Variants in BACH1 observed in about 807,000 individuals in gnomAD.
BACH1 encodes the protein transcription regulator protein BACH1.
BACH1 carries 35 observed loss-of-function variants against 52.9 expected under a neutral mutation model. The ratio of observed to expected loss-of-function variants is 0.66; its 90% confidence interval spans 0.51 to 0.88. The LOEUF is 0.88. BACH1 is among the 40% of genes least tolerant of loss of function. The probability of loss-of-function intolerance (pLI) is 0.00; values close to 1 mark genes in which losing one functional copy is unlikely to be tolerated. For missense variants in BACH1, 808 were observed against 872.6 expected, an observed-to-expected ratio of 0.93 and a Z score of 0.93; for synonymous variants, 321 against 319.6, an observed-to-expected ratio of 1.00 and a Z score of -0.05.
intron 1 of BACH1, among the ~76,000 whole-genome samples, chr21:29,319,428 G>C (rs2088823858): frequency 6.6e-6 from 1 of 151,784 alleles, no homozygotes; most frequent in Non-Finnish European, 1.5e-5. Flanking sequence ...TTTTTTCTGA[G>C]GTTGGGTCCC....
intron 1 of BACH1, among the ~76,000 whole-genome samples, chr21:29,320,413 G>C (rs575583902): frequency 1.3e-5 from 2 of 152,174 alleles, no homozygotes; most frequent in South Asian, 4.2e-4. Flanking sequence ...CGTATTGGGG[G>C]TATTCTTGTT....
downstream of BACH1, among the ~76,000 whole-genome samples, chr21:29,347,891 A>C (rs1471262803): frequency 6.6e-6 from 1 of 152,246 alleles, no homozygotes; most frequent in African/African-American, 2.4e-5. Context: ...TTCCCATAAG[A>C]AAATGCATGA....
Position 29,357,554 on chromosome 21 carries a change from A to G in BACH1, c.472+27861A>G, listed in dbSNP as rs371320091. Among the ~76,000 whole-genome samples, 319 of 152,208 alleles carry G rather than the reference A, an allele frequency of 2.1e-3. 2 individuals are homozygous for G. The highest frequency in any genetic ancestry group is 7.2e-3 in the African/African-American group (297 of 41,518). ...TGGCACCTAGTATGCCATTTACATC[A>G]TGAGTAGTCCAGACAGTGAGATCCT... On this transcript the variant is annotated intron_variant, in intron 2 of 4. Coordinates refer to the BACH1 transcript ENST00000422809.
chr21:29,342,280 A>G, intron 4 of BACH1, 119 bp from the exon 5 acceptor site: 1 of 1,020,746 alleles, frequency 9.8e-7, no homozygotes, highest in East Asian at 2.4e-5. Flanking sequence ...TGGAATTGAA[A>G]GGATAAACTC....
chr21:29,329,343 GTAT>G, intron 3 of BACH1, 141 bp from the exon 4 acceptor site: 1 of 505,640 alleles, frequency 2.0e-6, no homozygotes. Flanking sequence ...TTTTGAGATT[GTAT>G]AGAAATTGGG....
chr21:29,338,305 A>C (rs897011521), intron 4 of BACH1, among the ~76,000 whole-genome samples: 1 of 152,204 alleles, frequency 6.6e-6, no homozygotes, highest in African/African-American at 2.4e-5. Flanking sequence ...GAAGCTTTAA[A>C]GTTATTTGAA....
At chr21:29,306,353 G>A (rs2123406768) in intron 1 of BACH1, among the ~76,000 whole-genome samples, 1 of 151,646 alleles carries the variant, frequency 6.6e-6, no homozygotes, top group South Asian at 2.1e-4. Context: ...TTTCCTGGAA[G>A]AAGACACACT....
chr21:29,325,939 C>A, intron 2 of BACH1, 120 bp from the exon 3 acceptor site: 3 of 1,039,658 alleles, frequency 2.9e-6, no homozygotes, highest in Non-Finnish European at 3.9e-6. Context: ...AATTAAAGTA[C>A]ATATTTTATA....
intron 1 of BACH1, among the ~76,000 whole-genome samples, chr21:29,312,603 G>A (rs2088738537): frequency 6.6e-6 from 1 of 151,966 alleles, no homozygotes; most frequent in Non-Finnish European, 1.5e-5. Flanking sequence ...CGATAATTTT[G>A]TTTTTACACA....
At position 29,334,538 on chromosome 21, in the gene BACH1, T is replaced by C. The variant is rs537391097; in HGVS notation, c.1776+4845T>C. ...GAAGATTAATTCAGAAGTTAGAAAA[T>C]ATACATATCTCTGATAACCATTTTA... On this transcript the variant is annotated intron_variant, in intron 4 of 4. Transcript: ENST00000286800. Among the ~76,000 whole-genome samples, 15 of 152,362 alleles carry C rather than the reference T, an allele frequency of 9.8e-5. No homozygotes were observed. The East Asian group carries it at 2.7e-3, about 27-fold the overall frequency.
At chr21:29,321,033 T>C (rs1235185287) in intron 1 of BACH1, among the ~76,000 whole-genome samples, 188 bp from the exon 2 acceptor site, 1 of 152,222 alleles carries the variant, frequency 6.6e-6, no homozygotes, top group Non-Finnish European at 1.5e-5. Context: ...TCCGTAAAAT[T>C]AGTTAGAAAA....
Position 29,346,015 on chromosome 21 carries a change from A to C in BACH1, c.*3182A>C, listed in dbSNP as rs2089165405. 1.3e-5 allele frequency: 2 copies of C among 152,642 alleles called. No homozygotes were observed. Among genetic ancestry groups the C allele is most frequent in the Admixed American group, 6.5e-5 (1 of 15,272 alleles). 9.5% of individuals were successfully genotyped at this position (152,642 alleles called of 1,614,324 possible). A position where few individuals can be genotyped will look rare whatever the true frequency, so the allele number is the denominator to read the frequency against. On this transcript the variant is annotated 3_prime_UTR_variant, in exon 5 of 5. Coordinates refer to ENST00000286800, the MANE Select transcript of BACH1 (RefSeq NM_001186.4). ...TTTTACTGAGACCATGTTTCATTAA[A>C]AGCATAGTTTCATAGTATTTAATTT... is the stretch of plus-strand genomic sequence containing the variant.
intron 2 of BACH1, among the ~76,000 whole-genome samples, chr21:29,355,633 C>T (rs1352024750): frequency 2.6e-5 from 4 of 152,152 alleles, no homozygotes; most frequent in African/African-American, 9.7e-5. Context: ...CAGGGGTCCT[C>T]GGTAGAAGTT....
intron 1 of BACH1, among the ~76,000 whole-genome samples, chr21:29,315,388 G>A (rs2088774173): frequency 6.6e-6 from 1 of 152,144 alleles, no homozygotes; most frequent in Admixed American, 6.5e-5. Context: ...CTGAGCCATT[G>A]AATACCCTGC....
At chr21:29,331,403 A>G (rs1006063542) in intron 4 of BACH1, among the ~76,000 whole-genome samples, 1 of 152,208 alleles carries the variant, frequency 6.6e-6, no homozygotes, top group African/African-American at 2.4e-5. Flanking sequence ...ATTCTAGTTT[A>G]TTTCGTAACT....
intron 2 of BACH1, among the ~76,000 whole-genome samples, chr21:29,324,629 G>T (rs952851101): frequency 2.7e-5 from 4 of 148,946 alleles, no homozygotes; most frequent in Non-Finnish European, 4.5e-5. Flanking sequence ...AGGAAATCAG[G>T]CTAATTCTGG....
intron 1 of BACH1, among the ~76,000 whole-genome samples, chr21:29,306,117 G>A (rs2088653499): frequency 6.6e-6 from 1 of 151,894 alleles, no homozygotes; most frequent in Non-Finnish European, 1.5e-5. Flanking sequence ...GCTTAGCTGT[G>A]AATAAGAGGA....
In BACH1 at chr21:29,309,485, G is replaced by A. The variant is rs2088696360; in HGVS notation, c.-61+10532G>A. On this transcript the variant is annotated intron_variant, in intron 1 of 4. Coordinates refer to ENST00000286800, the MANE Select transcript of BACH1 (RefSeq NM_001186.4). ...TAACATGAATTGAAATGTAATATTT[G>A]GACCTGGGAGCAGAGACTTTTTCAG... Among the ~76,000 whole-genome samples, 3 of 152,120 alleles carry A rather than the reference G, an allele frequency of 2.0e-5. No homozygotes were observed. In the South Asian group the frequency reaches 6.2e-4, roughly 32 times the overall value.
At position 29,326,592 on chromosome 21, in the gene BACH1, T is replaced by C. The variant is rs1193136747; in HGVS notation, c.768T>C (p.Asn256=). 1 of 1,614,180 alleles carries C rather than the reference T, an allele frequency of 6.2e-7. No homozygotes were observed. Among genetic ancestry groups the C allele is most frequent in the Non-Finnish European group, 8.5e-7 (1 of 1,180,026 alleles). Reference sequence around the variant, plus strand: ...ACATTCATGCTTCTGTTCAGCCAAATGAAAGGTCTGAAAATGAATGCCTGG... The same window carrying C: ...ACATTCATGCTTCTGTTCAGCCAAACGAAAGGTCTGAAAATGAATGCCTGG... ...VKDIHASVQP[N]ERSENECLGG... The change falls in exon 3 of 5, where the codon AAT becomes AAC. Residue 256 remains asparagine (N), a synonymous_variant. Transcript: ENST00000286800.
Sources: allele counts gnomAD v4.1 joint callset (sites outside exome capture counted in the v4.1 genomes callset), GRCh38; gene constraint gnomAD v4.1.1; transcripts MANE v1.5; gene names NCBI Gene and HGNC (gene_info 2026-07-23, HGNC 2026-07-21).